CCAR1: variants seen among roughly 807,000 people sequenced by gnomAD.
CCAR1 encodes the protein cell division cycle and apoptosis regulator 1, also known as cell division cycle and apoptosis regulator protein 1.
A neutral mutation model predicts 163.8 loss-of-function variants in CCAR1; 78 were observed. The ratio of observed to expected loss-of-function variants is 0.48; its 90% CI spans 0.40 to 0.57. The LOEUF (loss-of-function observed/expected upper bound fraction) is 0.57, where lower values mean the gene tolerates loss of function less well. Among genes scored for constraint, CCAR1 ranks in the 20% least tolerant of loss-of-function variants. CCAR1 has a pLI of 0.00. For missense variants in CCAR1, 1,019 were observed against 1,365.2 expected, an observed-to-expected ratio of 0.75 and a Z score of 4.00; for synonymous variants, 443 against 460.7, an observed-to-expected ratio of 0.96 and a Z score of 0.49.
At chr10:68,748,485 CTTTTTTTTTTT>C (rs768641201) in intron 8 of CCAR1, among the ~76,000 whole-genome samples, 1 of 117,828 alleles carries the variant, frequency 8.5e-6, no homozygotes, top group Non-Finnish European at 1.8e-5. Flanking sequence ...GTGACATGTT[CTTTTTTTTTTT>C]TTTTTTTTTT....
intron 19 of CCAR1, 125 bp from the exon 20 acceptor site, chr10:68,786,011 T>C: frequency 1.5e-6 from 1 of 650,390 alleles, no homozygotes; most frequent in East Asian, 2.8e-5. Context: ...GGTATAGTCA[T>C]AGCTCACTAC....
At chr10:68,730,398 C>T (rs1413053138) in intron 2 of CCAR1, among the ~76,000 whole-genome samples, 1 of 151,042 alleles carries the variant, frequency 6.6e-6, no homozygotes, top group Admixed American at 6.6e-5. Context: ...AGTGCAATGG[C>T]AGGGTCTCGG....
At chr10:68,722,039 C>A (rs74143206) in intron 1 of CCAR1, among the ~76,000 whole-genome samples, 11,416 of 152,092 alleles carry the variant, frequency 0.075, 1,216 homozygotes, top group African/African-American at 0.24. Context: ...GTCCCAGTAT[C>A]CGTTATTGGT....
chr10:68,775,497 C>CTTTTTTTTTTTTTTTTT (rs58856212), intron 19 of CCAR1, among the ~76,000 whole-genome samples: 1 of 117,984 alleles, frequency 8.5e-6, no homozygotes, highest in Non-Finnish European at 1.8e-5. Context: ...GCCTCATTTT[C>CTTTTTTTTTTTTTTTTT]TTTTTTTTTT....
At chr10:68,760,010 T>C (rs1304100018) in intron 15 of CCAR1, among the ~76,000 whole-genome samples, 2 of 151,992 alleles carry the variant, frequency 1.3e-5, no homozygotes, top group East Asian at 1.9e-4. Flanking sequence ...AATTTTTTTT[T>C]CTAAAGAGAT....
intron 4 of CCAR1, among the ~76,000 whole-genome samples, chr10:68,738,627 A>T (rs2056144003): frequency 6.6e-6 from 1 of 151,988 alleles, no homozygotes; most frequent in Non-Finnish European, 1.5e-5. Flanking sequence ...ATTTTTAAAA[A>T]TTTTTGTTAC....
intron 4 of CCAR1, among the ~76,000 whole-genome samples, chr10:68,739,810 G>C (rs2056160137): frequency 6.6e-6 from 1 of 152,136 alleles, no homozygotes; most frequent in African/African-American, 2.4e-5. Context: ...ATAGTATTTT[G>C]ATATGATCTA....
intron 17 of CCAR1, among the ~76,000 whole-genome samples, chr10:68,768,334 G>A (rs1490309198): frequency 6.6e-6 from 1 of 151,872 alleles, no homozygotes; most frequent in African/African-American, 2.4e-5. Flanking sequence ...GCCTGGCTGG[G>A]TGCAGTGGCT....
In CCAR1 at chr10:68,737,021, C is replaced by T. The variant is rs376968846; in HGVS notation, c.219C>T (p.Ala73=). 4.0e-5 allele frequency: 64 copies of T among 1,613,520 alleles called. No individual in the cohort carries two copies. Among genetic ancestry groups the T allele is most frequent in the Middle Eastern group, 1.7e-4 (1 of 6,060 alleles). The part of the protein sequence containing the change: ...LTQTAALQQQ[A]AAAAAALQQQ... ...AAACTGCTGCATTGCAGCAACAAGC[C>T]GCAGCTGCAGCAGCTGCATTACAAC... The change falls in exon 3 of 25, where the codon GCC becomes GCT. Residue 73 remains alanine (A), a synonymous_variant. Transcript: ENST00000265872.
intron 2 of CCAR1, among the ~76,000 whole-genome samples, chr10:68,735,534 A>G (rs192293125): frequency 1.3e-5 from 2 of 151,922 alleles, no homozygotes; most frequent in African/African-American, 2.4e-5. Flanking sequence ...CCCCCTGAGT[A>G]GGTGGGACTA....
chr10:68,765,745 A>G (rs1341482636), intron 16 of CCAR1, 143 bp from the exon 17 acceptor site: 1 of 562,084 alleles, frequency 1.8e-6, no homozygotes, highest in Non-Finnish European at 3.1e-6. Context: ...CTCAACGCTT[A>G]TGGTTTGTAT....
intron 2 of CCAR1, among the ~76,000 whole-genome samples, chr10:68,735,997 C>T (rs189993520): frequency 9.9e-5 from 15 of 152,102 alleles, no homozygotes; most frequent in Admixed American, 9.8e-4. Flanking sequence ...GTACTACAGG[C>T]GTGTGTCACC....
intron 19 of CCAR1, among the ~76,000 whole-genome samples, chr10:68,784,647 C>T (rs1439882312): frequency 1.3e-5 from 2 of 152,078 alleles, no homozygotes; most frequent in Non-Finnish European, 2.9e-5. Context: ...CTCTGGGACC[C>T]AAGTGATCCT....
At position 68,723,185 on chromosome 10, in the gene CCAR1, A is replaced by G. The variant is rs71478851; in HGVS notation, c.73+608A>G. On this transcript the variant is annotated intron_variant, in intron 2 of 24. Coordinates refer to ENST00000265872, the MANE Select transcript of CCAR1 (RefSeq NM_018237.4). Reference sequence around the variant, plus strand: ...CGCCCAGGCTGGAGTGCAGTGACGCAATCTCAGCTCACTGCAAGCTCCGCC... The same window carrying G: ...CGCCCAGGCTGGAGTGCAGTGACGCGATCTCAGCTCACTGCAAGCTCCGCC... Among the ~76,000 whole-genome samples, 1,148 of 150,636 alleles carry G rather than the reference A, an allele frequency of 7.6e-3. 21 individuals carry two copies. The highest frequency in any genetic ancestry group is 0.026 in the African/African-American group (1,065 of 41,110).
At chr10:68,759,675 C>T (rs1445141861) in intron 15 of CCAR1, among the ~76,000 whole-genome samples, 3 of 151,558 alleles carry the variant, frequency 2.0e-5, no homozygotes, top group African/African-American at 7.3e-5. Context: ...CGCGGTGAGC[C>T]GTGAGCTGTG....
chr10:68,756,293 G>T lies in CCAR1; in HGVS notation c.1646G>T (p.Arg549Leu). The T allele has an allele frequency of 1.9e-6, 3 of 1,613,724 alleles. No homozygotes were observed. Among genetic ancestry groups the T allele is most frequent in the Non-Finnish European group, 2.5e-6 (3 of 1,179,888 alleles). ...AACAGGTACCGTTTTGCAGAGATTC[G>T]CTACCATCGCCCTGAGGAGACCCAC... ...CTQWYRFAEI[R>L]YHRPEETHKG... Residue 549 changes from arginine to leucine, a missense_variant, in exon 14 of 25, where the codon CGC (arginine) becomes CTC (leucine). Coordinates refer to ENST00000265872, the MANE Select transcript of CCAR1 (RefSeq NM_018237.4). The surrounding 1 kb of genome is among the most constrained non-coding windows in gnomAD (Gnocchi z 5.1).
rs1483528503 is a variant in CCAR1 at position 68,756,515 on chromosome 10, G to A, written c.1836+32G>A. On this transcript the variant is annotated intron_variant, in intron 14 of 24. Coordinates refer to ENST00000265872, the MANE Select transcript of CCAR1 (RefSeq NM_018237.4). The surrounding 1 kb of genome is among the most constrained non-coding windows in gnomAD (Gnocchi z 5.1). ...AACGCTAATCCCTTTTTCTATTTCC[G>A]CTTCTCACAGGCACAGGAACACAGG... 5 of 1,523,454 alleles carry A rather than the reference G, an allele frequency of 3.3e-6. No homozygotes were observed. Among genetic ancestry groups the A allele is most frequent in the African/African-American group, 2.8e-5 (2 of 72,706 alleles). 94.4% of individuals were successfully genotyped at this position (1,523,454 alleles called of 1,614,324 possible).
chr10:68,779,317 G>A (rs971216630), intron 19 of CCAR1, among the ~76,000 whole-genome samples: 24 of 151,210 alleles, frequency 1.6e-4, no homozygotes, highest in South Asian at 1.3e-3. Context: ...GAGTGTCGTC[G>A]CGTGATCTCG....
intron 17 of CCAR1, among the ~76,000 whole-genome samples, chr10:68,769,664 A>G (rs572641949): frequency 6.6e-6 from 1 of 151,782 alleles, no homozygotes; most frequent in South Asian, 2.1e-4. Context: ...AATATAGGCC[A>G]GGCGTGGTGG....
Sources: allele counts gnomAD v4.1 joint callset (sites outside exome capture counted in the v4.1 genomes callset), GRCh38; gene constraint gnomAD v4.1.1; non-coding constraint Gnocchi (gnomAD v3.1); transcripts MANE v1.5; gene names NCBI Gene and HGNC (gene_info 2026-07-23, HGNC 2026-07-21).